BTD: variants seen among roughly 807,000 people sequenced by gnomAD.
The protein encoded by BTD is biotinidase.
In BTD, 13 loss-of-function variants were observed where a neutral mutation model predicts 17.7. The ratio of observed to expected loss-of-function variants is 0.74; its 90% CI spans 0.48 to 1.17. The LOEUF is 1.17. Ranked by LOEUF, BTD falls within the 50% of genes most tolerant of loss-of-function variation. BTD has a pLI of 0.00. For synonymous variants in BTD, 240 were observed against 245.2 expected (o/e 0.98, Z 0.20); for missense variants, 674 against 650.4 (o/e 1.04, Z -0.39).
At chr3:15,685,935 T>C in intron 3 of BTD, 1 of 1,183,186 alleles carries the variant, frequency 8.5e-7, no homozygotes, top group Non-Finnish European at 1.2e-6. Flanking sequence ...AAACATAACC[T>C]AGTTCAGTTC....
intron 1 of BTD, among the ~76,000 whole-genome samples, chr3:15,618,532 T>G (rs2064856812): frequency 6.6e-6 from 1 of 152,178 alleles, no homozygotes; most frequent in African/African-American, 2.4e-5. Flanking sequence ...TTAAAATTTT[T>G]TTCTTTTTTA....
rs193265862 is a variant in BTD at position 15,602,035 on chromosome 3, T to C, written c.-17+141T>C. 133 of 1,485,344 alleles carry C rather than the reference T, an allele frequency of 9.0e-5. 1 individual carries two copies. In the East Asian group the frequency reaches 2.9e-3, roughly 32 times the overall value. 92.0% of individuals were successfully genotyped at this position (1,485,344 alleles called of 1,614,324 possible). On this transcript the variant is annotated intron_variant, in intron 1 of 3. Transcript: ENST00000643237. Reference sequence around the variant, plus strand: ...GGGAAGCCCGGCGCGCGTCGTTTGCTGGGGCTGTTTGTGCGTTGCTGCTGT... The same window carrying C: ...GGGAAGCCCGGCGCGCGTCGTTTGCCGGGGCTGTTTGTGCGTTGCTGCTGT...
At chr3:15,642,194 T>C in intron 3 of BTD, 137 bp downstream of exon 3, 1 of 1,519,172 alleles carries the variant, frequency 6.6e-7, no homozygotes, top group African/African-American at 1.4e-5. Flanking sequence ...CTCCCAAAGA[T>C]CCATGTGCCA....
intron 1 of BTD, among the ~76,000 whole-genome samples, chr3:15,611,685 C>T (rs1439565917): frequency 6.6e-6 from 1 of 151,118 alleles, no homozygotes; most frequent in Non-Finnish European, 1.5e-5. Flanking sequence ...GGCTGAGGCA[C>T]AAGGATTGCT....
At position 15,644,304 on chromosome 3, in the gene BTD, T is replaced by G; in HGVS notation, c.400-12T>G. 2 of 1,611,632 alleles carry G rather than the reference T, an allele frequency of 1.2e-6. No homozygotes were observed. The highest frequency in any genetic ancestry group is 1.3e-5 in the African/African-American group (1 of 74,982). The stretch of plus-strand genomic sequence containing the variant: ...CAAAAACCTCATTTATTTACACCTT[T>G]TTTTCCTCTAGGTGCTCCAGCGCCT... On this transcript the variant is annotated splice_polypyrimidine_tract_variant and intron_variant, in intron 3 of 3. Coordinates refer to ENST00000643237, the MANE Select transcript of BTD (RefSeq NM_001370658.1).
At chr3:15,659,341 G>A (rs941260383) in intron 3 of BTD, among the ~76,000 whole-genome samples, 1 of 151,448 alleles carries the variant, frequency 6.6e-6, no homozygotes, top group Non-Finnish European at 1.5e-5. Context: ...CTGGGAAGGG[G>A]GGCACTCTAG....
chr3:15,641,827 G>A (rs1328691916), intron 2 of BTD, 81 bp from the exon 3 acceptor site: 1 of 1,117,336 alleles, frequency 8.9e-7, no homozygotes, highest in African/African-American at 1.5e-5. Flanking sequence ...GTTGCCAAAA[G>A]AATGAACAGA....
At chr3:15,630,294 T>C (rs1006448832) in intron 1 of BTD, among the ~76,000 whole-genome samples, 2 of 152,182 alleles carry the variant, frequency 1.3e-5, no homozygotes, top group Admixed American at 1.3e-4. Context: ...TAAGGTCACA[T>C]GCGTAGCCAC....
chr3:15,705,124 T>C (rs1357896501), intron 3 of BTD, among the ~76,000 whole-genome samples: 1 of 152,180 alleles, frequency 6.6e-6, no homozygotes, highest in Non-Finnish European at 1.5e-5. Flanking sequence ...CTTTCCAGTG[T>C]ATCAGGCTGT....
At chr3:15,670,051 T>C in intron 3 of BTD, 2 of 518,844 alleles carry the variant, frequency 3.9e-6, no homozygotes, top group South Asian at 2.9e-5. Flanking sequence ...CTGACATCAA[T>C]GTGTTTTCCT....
chr3:15,635,352 A>G lies in BTD; in HGVS notation c.-16-72A>G, dbSNP rs957533702. 17 of 1,602,126 alleles carry G rather than the reference A, an allele frequency of 1.1e-5. No individual in the cohort carries two copies. Among genetic ancestry groups the G allele is most frequent in the Middle Eastern group, 1.7e-4 (1 of 6,056 alleles). On this transcript the variant is annotated intron_variant, in intron 1 of 3. Coordinates refer to ENST00000643237, the MANE Select transcript of BTD (RefSeq NM_001370658.1). The surrounding 1 kb of genome is among the most constrained non-coding windows in gnomAD (Gnocchi z 4.1). ...GTTTAATTGCTGGGATTAATAAATCACAGCTGCAAACGTTAAATTCTTGGC... is the reference window on the plus strand; with the variant it reads ...GTTTAATTGCTGGGATTAATAAATCGCAGCTGCAAACGTTAAATTCTTGGC...
At position 15,721,271 on chromosome 3, in the gene BTD, T is replaced by C; in HGVS notation, c.1016-499T>C. 5.7e-6 allele frequency: 4 copies of C among 701,928 alleles called. No individual in the cohort carries two copies. In the South Asian group the frequency reaches 7.8e-5, roughly 14 times the overall value. The allele number at this position is 701,928 out of a possible 1,614,324, so 43.5% of individuals were successfully genotyped here. On this transcript the variant is annotated intron_variant, in intron 4 of 4. Coordinates refer to the BTD transcript ENST00000672427. ...TAAGTACAGAGATAAGGCTTATAAT[T>C]CTAAAGTTGGTTTAAAATAATAAAC... is the stretch of plus-strand genomic sequence containing the variant.
At chr3:15,712,176 C>T (rs756948440) in exon 4 of BTD, 4 of 1,585,388 alleles carry the variant, frequency 2.5e-6, no homozygotes, top group East Asian at 2.3e-5. Context: ...TCTGAAAAGC[C>T]GCTTAAGGCT....
chr3:15,678,256 T>C, intron 3 of BTD: 1 of 1,612,920 alleles, frequency 6.2e-7, no homozygotes, highest in Non-Finnish European at 8.5e-7. Context: ...AAGAGGTGTT[T>C]TCCCTGTAGA....
intron 1 of BTD, among the ~76,000 whole-genome samples, chr3:15,630,324 T>C (rs1559589359): frequency 6.6e-6 from 1 of 152,196 alleles, no homozygotes; most frequent in South Asian, 2.1e-4. Context: ...TGATACTCAG[T>C]TTGTCCACGG....
At chr3:15,622,507 G>T (rs1215357654) in intron 1 of BTD, among the ~76,000 whole-genome samples, 1 of 152,196 alleles carries the variant, frequency 6.6e-6, no homozygotes, top group Non-Finnish European at 1.5e-5. Context: ...GTGAGCTTGA[G>T]AAGAGTCTGT....
chr3:15,663,702 T>C (rs74282194), intron 3 of BTD, among the ~76,000 whole-genome samples: 1 of 152,188 alleles, frequency 6.6e-6, no homozygotes, highest in Admixed American at 6.5e-5. Flanking sequence ...GTGTCCTTTT[T>C]TTTCCCCCTT....
chr3:15,673,746 T>C (rs1388568621), intron 3 of BTD, among the ~76,000 whole-genome samples: 1 of 151,868 alleles, frequency 6.6e-6, no homozygotes, highest in African/African-American at 2.4e-5. Flanking sequence ...TCAGGCAGAG[T>C]AAACAGCCAG....
At chr3:15,690,094 C>T in intron 3 of BTD, 1 of 1,612,204 alleles carries the variant, frequency 6.2e-7, no homozygotes, top group Non-Finnish European at 8.5e-7. Context: ...ATGAGTACAT[C>T]CACACATTCA....
Sources: gnomAD v4.1 joint callset for allele counts (sites outside exome capture counted in the v4.1 genomes callset) on GRCh38, gnomAD v4.1.1 for gene constraint, Gnocchi (gnomAD v3.1) non-coding constraint, MANE v1.5 for transcripts, NCBI Gene and HGNC (gene_info 2026-07-23, HGNC 2026-07-21) for gene names.